DMGDH: variants seen among roughly 807,000 people sequenced by gnomAD.
DMGDH encodes the protein dimethylglycine dehydrogenase, mitochondrial.
A neutral mutation model predicts 95.2 loss-of-function variants in DMGDH; 76 were observed. The ratio of observed to expected loss-of-function variants is 0.80; its 90% confidence interval spans 0.66 to 0.97. The LOEUF (loss-of-function observed/expected upper bound fraction) is 0.97, where lower values mean the gene tolerates loss of function less well. Among genes scored for constraint, DMGDH ranks in the 50% least tolerant of loss-of-function variants. DMGDH has a pLI of 0.00. For synonymous variants in DMGDH, 345 were observed against 377.6 expected, an observed-to-expected ratio of 0.91 and a Z score of 1.00; for missense variants, 987 against 1,055.0, an observed-to-expected ratio of 0.94 and a Z score of 0.89.
rs187569586 is a variant in DMGDH at position 79,055,126 on chromosome 5, C to T, written c.375+684G>A. 2.6e-5 allele frequency among the ~76,000 whole-genome samples: 4 copies of T among 152,318 alleles called. No homozygotes were observed. In the East Asian group the frequency reaches 5.8e-4, roughly 22 times the overall value. On this transcript the variant is annotated intron_variant, in intron 3 of 15. Coordinates refer to ENST00000255189, the MANE Select transcript of DMGDH (RefSeq NM_013391.3). ...AACAAAAAGCAGTGATTTGAGAGAG[C>T]TCAGCACATTCCAAAACTATATGTT...
intron 12 of DMGDH, 130 bp from the exon 13 acceptor site, chr5:79,026,711 A>G: frequency 7.3e-7 from 1 of 1,375,812 alleles, no homozygotes; most frequent in Non-Finnish European, 1.0e-6. Context: ...GTCTCTAAAA[A>G]GACCAGCTCA....
intron 7 of DMGDH, among the ~76,000 whole-genome samples, chr5:79,034,917 C>T (rs1434262251): frequency 2.0e-5 from 3 of 151,204 alleles, no homozygotes; most frequent in Admixed American, 6.6e-5. Flanking sequence ...ATTAGCCGGG[C>T]GTGTTGGCGG....
chr5:79,046,027 C>G (rs1754661635), intron 5 of DMGDH, among the ~76,000 whole-genome samples: 1 of 152,136 alleles, frequency 6.6e-6, no homozygotes, highest in South Asian at 2.1e-4. Context: ...AACCAGAAAT[C>G]TAACTGTGGG....
chr5:79,030,693 C>CT (rs1358017894), intron 10 of DMGDH, 140 bp downstream of exon 10: 26 of 772,286 alleles, frequency 3.4e-5, no homozygotes, highest in Non-Finnish European at 5.1e-5. Context: ...AGTAAATAAG[C>CT]TTGTATACTT....
At chr5:79,058,712 T>C (rs1442166054) in intron 2 of DMGDH, among the ~76,000 whole-genome samples, 1 of 152,166 alleles carries the variant, frequency 6.6e-6, no homozygotes, top group Non-Finnish European at 1.5e-5. Context: ...ACCCTTCAAA[T>C]AAATTAAGAA....
intron 14 of DMGDH, among the ~76,000 whole-genome samples, chr5:79,005,838 C>A (rs1753538110): frequency 1.3e-5 from 2 of 152,074 alleles, no homozygotes; most frequent in Admixed American, 6.5e-5. Context: ...TAAAACAAAC[C>A]CAAAATGCAG....
intron 14 of DMGDH, among the ~76,000 whole-genome samples, chr5:79,012,651 G>T (rs1013494822): frequency 3.3e-5 from 5 of 152,240 alleles, no homozygotes; most frequent in African/African-American, 7.2e-5. Context: ...TGAAATTTAG[G>T]TGGAGGCTCC....
At chr5:79,066,674 A>G (rs1198886665) in intron 1 of DMGDH, among the ~76,000 whole-genome samples, 1 of 152,078 alleles carries the variant, frequency 6.6e-6, no homozygotes, top group Non-Finnish European at 1.5e-5. Context: ...TATGTTATGC[A>G]TTTTTGGCAA....
At chr5:79,044,201 G>A in intron 6 of DMGDH, 103 bp downstream of exon 6, 2 of 1,532,640 alleles carry the variant, frequency 1.3e-6, no homozygotes, top group African/African-American at 1.4e-5. Context: ...GTATCTGAAA[G>A]TCTAGTATTA....
Position 79,023,158 on chromosome 5 carries a change from C to T in DMGDH, c.2250+1113G>A, listed in dbSNP as rs116360481. On this transcript the variant is annotated intron_variant, in intron 14 of 15. Coordinates refer to ENST00000255189, the MANE Select transcript of DMGDH (RefSeq NM_013391.3). ...CAGAATTTGGGAACTGACACAGGGT[C>T]ATGAAAAAGGTTTCCTTGGCCTGAT... Among the ~76,000 whole-genome samples, 556 of 152,290 alleles carry T rather than the reference C, an allele frequency of 3.7e-3. 2 individuals carry two copies. The highest frequency in any genetic ancestry group is 0.013 in the African/African-American group (520 of 41,550).
chr5:79,006,995 A>G (rs1037714873), intron 14 of DMGDH, among the ~76,000 whole-genome samples: 3 of 152,210 alleles, frequency 2.0e-5, no homozygotes, highest in Non-Finnish European at 4.4e-5. Context: ...TAATGTGCAA[A>G]ATGAACATCC....
In DMGDH at chr5:78,999,254, C is replaced by T. The variant is rs567303502; in HGVS notation, c.2386-957G>A. Among the ~76,000 whole-genome samples, 9 of 152,332 alleles carry T rather than the reference C, an allele frequency of 5.9e-5. No individual in the cohort carries two copies. In the South Asian group the frequency reaches 1.9e-3, roughly 32 times the overall value. On this transcript the variant is annotated intron_variant, in intron 15 of 15. Transcript: ENST00000255189. The stretch of plus-strand genomic sequence containing the variant: ...ACATTCATGACTTTAATTGCAGACT[C>T]CTATCTCTGTAGTCCCAGTTTTTAA...
chr5:79,030,647 CAAA>C (rs59687681), intron 10 of DMGDH, 183 bp downstream of exon 10: 23,937 of 377,276 alleles, frequency 0.063, 1 homozygote, highest in Middle Eastern at 0.092. Context: ...CTCTGTCTCT[CAAA>C]AAAAAAAAAA....
At chr5:79,050,273 A>AAAT (rs1554037270) in intron 5 of DMGDH, among the ~76,000 whole-genome samples, 28 of 20,938 alleles carry the variant, frequency 1.3e-3, no homozygotes, top group African/African-American at 1.9e-3. Flanking sequence ...AAAAAAAAAA[A>AAAT]ATATATATAT....
At chr5:79,005,578 T>C (rs932623881) in intron 14 of DMGDH, among the ~76,000 whole-genome samples, 171 bp from the exon 15 acceptor site, 1 of 152,210 alleles carries the variant, frequency 6.6e-6, no homozygotes, top group East Asian at 1.9e-4. Context: ...CAAATGAGAG[T>C]ATCAGCCACC....
intron 5 of DMGDH, 114 bp downstream of exon 5, chr5:79,051,173 C>G (rs1348151940): frequency 2.8e-5 from 33 of 1,178,656 alleles, no homozygotes; most frequent in Non-Finnish European, 4.1e-5. Context: ...AAATGTTTAA[C>G]TTGGGAGCAT....
intron 5 of DMGDH, among the ~76,000 whole-genome samples, chr5:79,048,586 G>T (rs1347349901): frequency 2.0e-5 from 3 of 152,150 alleles, no homozygotes; most frequent in African/African-American, 7.2e-5. Flanking sequence ...TTTTATTATA[G>T]CATGATGACT....
rs1038986625 is a variant in DMGDH, at chr5:79,069,673, C to T, written c.-53G>A. The T allele has an allele frequency of 4.6e-6, 6 of 1,293,824 alleles. No individual in the cohort carries two copies. The African/African-American group carries it at 7.8e-5, about 17-fold the overall frequency. The allele number at this position is 1,293,824 out of a possible 1,614,324, so 80.1% of individuals were successfully genotyped here. A position where few individuals can be genotyped will look rare whatever the true frequency, so the allele number is the denominator to read the frequency against. On this transcript the variant is annotated 5_prime_UTR_variant, in exon 1 of 16. Transcript: ENST00000255189. ...GCCTGCTCCGAGGCCAGCGGGCAGC[C>T]TGAGGCCGCGGGGCCGGCGGGGCGG...
chr5:79,037,921 A>C (rs763203932), intron 7 of DMGDH, among the ~76,000 whole-genome samples: 1 of 152,230 alleles, frequency 6.6e-6, no homozygotes, highest in Non-Finnish European at 1.5e-5. Flanking sequence ...AAGACATTTT[A>C]AAAGACCTAA....
Sources: allele counts gnomAD v4.1 joint callset (sites outside exome capture counted in the v4.1 genomes callset), GRCh38; gene constraint gnomAD v4.1.1; transcripts MANE v1.5; gene names NCBI Gene and HGNC (gene_info 2026-07-23, HGNC 2026-07-21).